Variants in SUMF1 observed in about 807,000 individuals in gnomAD.
SUMF1 encodes sulfatase modifying factor 1, also known as formylglycine-generating enzyme.
SUMF1 carries 48 observed loss-of-function variants against 47.6 expected under a neutral mutation model. The observed-to-expected ratio is 1.01, with a 90% CI of 0.80 to 1.28. The LOEUF is 1.28. Among genes scored for constraint, SUMF1 ranks in the 50% most tolerant of loss-of-function variants. SUMF1 has a pLI of 0.00. For missense variants in SUMF1, 571 were observed against 485.4 expected, an observed-to-expected ratio of 1.18 and a Z score of -1.66; for synonymous variants, 230 against 192.1, an observed-to-expected ratio of 1.20 and a Z score of -1.63.
intron 8 of SUMF1, among the ~76,000 whole-genome samples, chr3:4,175,405 A>T (rs1694936518): frequency 6.6e-6 from 1 of 152,130 alleles, no homozygotes; most frequent in African/African-American, 2.4e-5. Flanking sequence ...CAGGGTCTGG[A>T]GTGGAACTCC....
intron 8 of SUMF1, chr3:4,303,627 GTCTTC>G: frequency 7.2e-7 from 1 of 1,394,062 alleles, no homozygotes. Flanking sequence ...GCGACCTTTT[GTCTTC>G]TCTTACAGCG....
intron 9 of SUMF1, among the ~76,000 whole-genome samples, chr3:4,065,036 C>A (rs982654406): frequency 5.9e-5 from 9 of 152,096 alleles, no homozygotes; most frequent in Non-Finnish European, 1.2e-4. Context: ...CAGTTCTCCA[C>A]CCTCTCTGGC....
intron 8 of SUMF1, among the ~76,000 whole-genome samples, chr3:4,172,253 C>T (rs1694847584): frequency 6.6e-6 from 1 of 152,108 alleles, no homozygotes; most frequent in Non-Finnish European, 1.5e-5. Context: ...TCCCAGATTT[C>T]CGTTTTGGGG....
At chr3:4,383,176 C>T (rs1405730771) in intron 7 of SUMF1, among the ~76,000 whole-genome samples, 1 of 152,098 alleles carries the variant, frequency 6.6e-6, no homozygotes, top group Non-Finnish European at 1.5e-5. Context: ...GTCAGGAGCT[C>T]AAGACCATCC....
intron 9 of SUMF1, among the ~76,000 whole-genome samples, chr3:4,040,169 A>T (rs1694883722): frequency 6.6e-6 from 1 of 152,196 alleles, no homozygotes. Context: ...GAAATATATC[A>T]AAACATCATT....
At chr3:4,046,794 TC>T (rs1379836554) in intron 9 of SUMF1, among the ~76,000 whole-genome samples, 1 of 151,582 alleles carries the variant, frequency 6.6e-6, no homozygotes, top group African/African-American at 2.4e-5. Flanking sequence ...TCTATTCTCA[TC>T]CTCCAATAGC....
At chr3:4,303,175 T>A (rs1166611017) in intron 8 of SUMF1, 3 of 509,140 alleles carry the variant, frequency 5.9e-6, no homozygotes, top group Admixed American at 4.4e-5. Flanking sequence ...TTTGTAATTA[T>A]CTGTGGTGCC....
At chr3:4,326,182 A>G (rs1243384971) in intron 8 of SUMF1, among the ~76,000 whole-genome samples, 5 of 152,208 alleles carry the variant, frequency 3.3e-5, no homozygotes, top group Non-Finnish European at 5.9e-5. Context: ...CAAGTCACAG[A>G]AAGACCAATT....
intron 9 of SUMF1, among the ~76,000 whole-genome samples, chr3:4,067,997 G>A (rs1695417025): frequency 6.6e-6 from 1 of 152,270 alleles, no homozygotes; most frequent in Non-Finnish European, 1.5e-5. Flanking sequence ...TCACACAGCT[G>A]GAAGAGGAAG....
intron 8 of SUMF1, among the ~76,000 whole-genome samples, chr3:4,205,569 T>C (rs989978875): frequency 6.6e-6 from 1 of 152,220 alleles, no homozygotes; most frequent in Non-Finnish European, 1.5e-5. Context: ...TTAAGAAAGC[T>C]TTCTAAGTAT....
chr3:4,366,086 G>A (rs2819558), intron 8 of SUMF1, among the ~76,000 whole-genome samples: 58,100 of 150,980 alleles, frequency 0.38, 11,724 homozygotes, highest in Non-Finnish European at 0.46. Flanking sequence ...CGAGAGATCC[G>A]CTGTTAGTCT....
At chr3:4,266,938 T>C (rs1466836442) in intron 8 of SUMF1, among the ~76,000 whole-genome samples, 1 of 151,566 alleles carries the variant, frequency 6.6e-6, no homozygotes, top group Non-Finnish European at 1.5e-5. Flanking sequence ...GCATGAAGGG[T>C]TGTTGAATTT....
intron 3 of SUMF1, among the ~76,000 whole-genome samples, chr3:4,436,966 C>A (rs1034891014): frequency 6.6e-6 from 1 of 151,778 alleles, no homozygotes; most frequent in East Asian, 1.9e-4. Flanking sequence ...TTTAGTGTGC[C>A]AAAGAAAATA....
intron 8 of SUMF1, among the ~76,000 whole-genome samples, chr3:4,195,820 A>T (rs1311007501): frequency 6.6e-6 from 1 of 152,070 alleles, no homozygotes; most frequent in Non-Finnish European, 1.5e-5. Context: ...GAACACTAAG[A>T]AATAAACTAA....
At chr3:4,170,209 A>G (rs1223919747) in intron 8 of SUMF1, among the ~76,000 whole-genome samples, 1 of 152,202 alleles carries the variant, frequency 6.6e-6, no homozygotes, top group Non-Finnish European at 1.5e-5. Flanking sequence ...GCAAAGCCTA[A>G]AATATTTACT....
intron 8 of SUMF1, among the ~76,000 whole-genome samples, chr3:4,343,363 G>C (rs954773484): frequency 6.6e-6 from 1 of 152,240 alleles, no homozygotes; most frequent in Non-Finnish European, 1.5e-5. Context: ...ATTACACACA[G>C]TTAAGAGGTC....
chr3:4,224,334 G>A (rs983904622), intron 8 of SUMF1, among the ~76,000 whole-genome samples: 1 of 152,092 alleles, frequency 6.6e-6, no homozygotes, highest in Admixed American at 6.6e-5. Flanking sequence ...TCCGTGACAA[G>A]GTGTGTAATG....
intron 8 of SUMF1, among the ~76,000 whole-genome samples, chr3:4,338,896 A>G (rs1699210170): frequency 1.3e-5 from 2 of 152,120 alleles, no homozygotes; most frequent in African/African-American, 4.8e-5. Flanking sequence ...TAGCTACTCT[A>G]TGAGACTGTA....
At chr3:4,187,991 T>C (rs1244173129) in intron 8 of SUMF1, among the ~76,000 whole-genome samples, 1 of 152,146 alleles carries the variant, frequency 6.6e-6, no homozygotes, top group African/African-American at 2.4e-5. Flanking sequence ...TTTATTTTTT[T>C]AGAGCACTTT....
Sources: gnomAD v4.1 joint callset for allele counts (sites outside exome capture counted in the v4.1 genomes callset) on GRCh38, gnomAD v4.1.1 for gene constraint, MANE v1.5 for transcripts, NCBI Gene and HGNC (gene_info 2026-07-23, HGNC 2026-07-21) for gene names.